The following SNTG2 variants were observed in gnomAD, a reference collection of about 807,000 sequenced individuals.
SNTG2 encodes the protein gamma-2-syntrophin.
In SNTG2, 74 loss-of-function variants were observed where a neutral mutation model predicts 70.9. The observed-to-expected ratio is 1.04, with a 90% CI of 0.86 to 1.27. The LOEUF (loss-of-function observed/expected upper bound fraction) is 1.27, where lower values mean the gene tolerates loss of function less well. Among genes scored for constraint, SNTG2 ranks in the 50% most tolerant of loss-of-function variants. The pLI, the probability that SNTG2 is intolerant of heterozygous loss-of-function variation, is 0.00. For missense variants in SNTG2, 717 were observed against 690.7 expected (o/e 1.04, Z -0.43); for synonymous variants, 278 against 273.8 (o/e 1.02, Z -0.15).
chr2:1,139,323 C>T (rs572035177), intron 6 of SNTG2, among the ~76,000 whole-genome samples: 10 of 152,294 alleles, frequency 6.6e-5, no homozygotes, highest in Admixed American at 5.9e-4. Flanking sequence ...CTCCGCCTCC[C>T]GGGTTCAAGC....
At chr2:1,288,833 A>T (rs1020894891) in intron 14 of SNTG2, among the ~76,000 whole-genome samples, 4 of 152,094 alleles carry the variant, frequency 2.6e-5, no homozygotes, top group African/African-American at 9.7e-5. Flanking sequence ...ACTTTTGTGT[A>T]CACACTTACA....
intron 1 of SNTG2, among the ~76,000 whole-genome samples, chr2:1,031,102 C>T (rs562683443): frequency 5.0e-4 from 76 of 152,304 alleles, no homozygotes; most frequent in Admixed American, 4.8e-3. Flanking sequence ...AGTGAATTTG[C>T]AGGCTCCAAT....
intron 4 of SNTG2, among the ~76,000 whole-genome samples, chr2:1,127,250 T>TAA (rs561849294): frequency 4.7e-5 from 7 of 148,500 alleles, no homozygotes; most frequent in Non-Finnish European, 3.0e-5. Context: ...GGTGCCTTTG[T>TAA]AAAAAAAAAA....
intron 12 of SNTG2, among the ~76,000 whole-genome samples, chr2:1,249,035 C>T (rs895181394): frequency 2.0e-5 from 3 of 152,130 alleles, no homozygotes; most frequent in Admixed American, 6.5e-5. Context: ...CAGCAAGGCC[C>T]GGCTGGTAAA....
chr2:1,260,761 C>T (rs1309931693), intron 13 of SNTG2, among the ~76,000 whole-genome samples: 1 of 150,556 alleles, frequency 6.6e-6, no homozygotes, highest in Non-Finnish European at 1.5e-5. Context: ...CAGGTCATTT[C>T]ATCCATCACA....
chr2:1,214,233 T>C (rs1674229640), intron 9 of SNTG2, among the ~76,000 whole-genome samples: 1 of 152,198 alleles, frequency 6.6e-6, no homozygotes, highest in Admixed American at 6.5e-5. Flanking sequence ...ATATTCAGAG[T>C]GTTTTATGGT....
intron 16 of SNTG2, among the ~76,000 whole-genome samples, chr2:1,333,028 G>A (rs1305919553): frequency 6.6e-6 from 1 of 152,160 alleles, no homozygotes; most frequent in Admixed American, 6.5e-5. Context: ...GCTGTTTGCT[G>A]ATGATATGAT....
At chr2:1,223,615 T>G (rs1675521424) in intron 9 of SNTG2, among the ~76,000 whole-genome samples, 1 of 152,238 alleles carries the variant, frequency 6.6e-6, no homozygotes, top group Admixed American at 6.5e-5. Flanking sequence ...CACTGAGTTT[T>G]CCTGATGCTG....
intron 1 of SNTG2, among the ~76,000 whole-genome samples, chr2:1,055,993 G>A (rs899033485): frequency 2.0e-5 from 3 of 151,974 alleles, no homozygotes; most frequent in East Asian, 3.9e-4. Context: ...GGTGGGTCGC[G>A]GGGACTGCAG....
At chr2:1,294,603 C>T (rs1680123838) in intron 14 of SNTG2, among the ~76,000 whole-genome samples, 1 of 152,186 alleles carries the variant, frequency 6.6e-6, no homozygotes, top group African/African-American at 2.4e-5. Context: ...AAGGAACTCA[C>T]TCTCTGCTAC....
At chr2:996,676 T>TG (rs1661695509) in intron 1 of SNTG2, among the ~76,000 whole-genome samples, 1 of 25,340 alleles carries the variant, frequency 3.9e-5, no homozygotes. Flanking sequence ...TTACCCAGTT[T>TG]TTTTTTTTTT....
At chr2:1,028,901 G>T (rs1660652925) in intron 1 of SNTG2, among the ~76,000 whole-genome samples, 1 of 152,068 alleles carries the variant, frequency 6.6e-6, no homozygotes, top group African/African-American at 2.4e-5. Context: ...ATAGGACCAG[G>T]CCAGTTCTAG....
intron 1 of SNTG2, among the ~76,000 whole-genome samples, chr2:965,801 G>A (rs1660542455): frequency 6.6e-6 from 1 of 152,136 alleles, no homozygotes; most frequent in Admixed American, 6.5e-5. Context: ...ACCTGTATGG[G>A]GGTGGCTGAC....
chr2:1,328,730 GAA>G (rs763757929), intron 16 of SNTG2, among the ~76,000 whole-genome samples: 1 of 152,192 alleles, frequency 6.6e-6, no homozygotes, highest in Non-Finnish European at 1.5e-5. Flanking sequence ...AGGGGTTTAA[GAA>G]AAGAGGGACT....
chr2:1,088,640 C>G (rs1402095178), intron 2 of SNTG2, among the ~76,000 whole-genome samples: 1 of 152,218 alleles, frequency 6.6e-6, no homozygotes. Context: ...GTGACTCACC[C>G]ACCAGTGGAA....
chr2:1,152,628 G>C (rs73160156), intron 6 of SNTG2, among the ~76,000 whole-genome samples: 13,014 of 152,246 alleles, frequency 0.085, 939 homozygotes, highest in African/African-American at 0.2. Flanking sequence ...GTATGCATCT[G>C]TGTGTGTTTG....
chr2:975,912 A>G (rs576262748), intron 1 of SNTG2, among the ~76,000 whole-genome samples: 10 of 152,344 alleles, frequency 6.6e-5, no homozygotes, highest in African/African-American at 2.2e-4. Context: ...ATACTGGACA[A>G]ATAAGCCAAA....
chr2:1,281,213 G>GCT (rs1679499632), intron 14 of SNTG2, among the ~76,000 whole-genome samples: 2 of 104,616 alleles, frequency 1.9e-5, no homozygotes, highest in African/African-American at 4.0e-5. Flanking sequence ...TGTGTGGTGT[G>GCT]TGTGTGTTTG....
At chr2:1,286,208 G>A (rs1340778843) in intron 14 of SNTG2, among the ~76,000 whole-genome samples, 1 of 152,146 alleles carries the variant, frequency 6.6e-6, no homozygotes, top group African/African-American at 2.4e-5. Flanking sequence ...CAGAAATTTT[G>A]CTAGGGGATC....
Sources: gnomAD v4.1 joint callset for allele counts (sites outside exome capture counted in the v4.1 genomes callset) on GRCh38, gnomAD v4.1.1 for gene constraint, MANE v1.5 for transcripts, NCBI Gene and HGNC (gene_info 2026-07-23, HGNC 2026-07-21) for gene names.